The following AGPAT3 variants were observed in gnomAD, a reference collection of about 807,000 sequenced individuals.
AGPAT3 encodes 1-acylglycerol-3-phosphate O-acyltransferase 3.
In AGPAT3, 5 loss-of-function variants were observed where a neutral mutation model predicts 47.3. That is an observed-to-expected ratio of 0.11 (90% CI 0.06 to 0.22). The LOEUF (loss-of-function observed/expected upper bound fraction) is 0.22, where lower values mean the gene tolerates loss of function less well. Ranked by LOEUF, AGPAT3 falls within the 10% of genes least tolerant of loss-of-function variation. The probability of loss-of-function intolerance (pLI) is 1.00; values close to 1 mark genes in which losing one functional copy is unlikely to be tolerated. For synonymous variants in AGPAT3, 212 were observed against 208.3 expected (o/e 1.02, Z -0.15); for missense variants, 315 against 493.0 (o/e 0.64, Z 3.42).
Position 43,954,376 on chromosome 21 carries a change from A to G in AGPAT3, c.-48-5258A>G, listed in dbSNP as rs2088342648. On this transcript the variant is annotated intron_variant, in intron 2 of 9. Coordinates refer to ENST00000291572, the MANE Select transcript of AGPAT3 (RefSeq NM_020132.5). This position sits in a 1 kb window ranked among gnomAD's most constrained non-coding sequence, Gnocchi z 4.0. ...AGTGAAACTACACTGCTGGCTGGAC[A>G]GAGACATGGCAATGACCCAGGGAAA... is the stretch of plus-strand genomic sequence containing the variant. Among the ~76,000 whole-genome samples, 1 of 151,916 alleles carries G rather than the reference A, an allele frequency of 6.6e-6. No individual in the cohort carries two copies. Among genetic ancestry groups the G allele is most frequent in the Non-Finnish European group, 1.5e-5 (1 of 67,972 alleles).
chr21:43,912,269 G>A (rs574495461), intron 2 of AGPAT3, among the ~76,000 whole-genome samples: 17 of 152,350 alleles, frequency 1.1e-4, no homozygotes, highest in Admixed American at 3.9e-4. Context: ...ATCCTGGCAC[G>A]CGAGCAAAGG....
At position 43,978,038 on chromosome 21, in the gene AGPAT3, T is replaced by C. The variant is rs1236474550; in HGVS notation, c.768-8T>C. 4.3e-6 allele frequency: 7 copies of C among 1,611,116 alleles called. No individual in the cohort carries two copies. Among genetic ancestry groups the C allele is most frequent in the Non-Finnish European group, 5.9e-6 (7 of 1,178,338 alleles). ...TTCACCCTACCTTGAATCTTCTTCATAAAACAGGAGATTTCCTCTGGAAGA... is the reference window on the plus strand; with the variant it reads ...TTCACCCTACCTTGAATCTTCTTCACAAAACAGGAGATTTCCTCTGGAAGA... On this transcript the variant is annotated splice_polypyrimidine_tract_variant and splice_region_variant and intron_variant, in intron 7 of 9. Transcript: ENST00000291572.
chr21:43,973,722 GC>G (rs1479265055), intron 7 of AGPAT3, among the ~76,000 whole-genome samples: 1 of 152,232 alleles, frequency 6.6e-6, no homozygotes, highest in African/African-American at 2.4e-5. Context: ...GCGCGCCCCT[GC>G]AGCCGAGCCA....
At chr21:43,882,622 C>G (rs1238927526) in intron 1 of AGPAT3, 1 of 152,294 alleles carries the variant, frequency 6.6e-6, no homozygotes, top group Non-Finnish European at 1.5e-5. Context: ...TCTGGTAAGA[C>G]CCATGAAGGC....
In AGPAT3 at chr21:43,945,718, A is replaced by G. The variant is rs1169544591; in HGVS notation, c.-48-13916A>G. ...ACCTACTCGGTTTATTCCATCTTGAATCAATGCATTTTTTCAAGTCCGTGC... is the reference window on the plus strand; with the variant it reads ...ACCTACTCGGTTTATTCCATCTTGAGTCAATGCATTTTTTCAAGTCCGTGC... On this transcript the variant is annotated intron_variant, in intron 2 of 9. Coordinates refer to ENST00000291572, the MANE Select transcript of AGPAT3 (RefSeq NM_020132.5). 2.0e-5 allele frequency among the ~76,000 whole-genome samples: 3 copies of G among 152,302 alleles called. No individual in the cohort carries two copies. In the East Asian group the frequency reaches 5.8e-4, roughly 29 times the overall value.
intron 2 of AGPAT3, among the ~76,000 whole-genome samples, chr21:43,940,592 C>A (rs541752696): frequency 6.6e-6 from 1 of 152,332 alleles, no homozygotes; most frequent in South Asian, 2.1e-4. Context: ...CGGTTTCATA[C>A]CATCTGGGCG....
chr21:43,983,025 G>A lies in AGPAT3; in HGVS notation c.*633G>A, dbSNP rs1034533981. ...CGAACGCCCCACCTCACTTTCTAGA[G>A]CCCTGTCTGTCCTAGCTCCTATCTG... is the stretch of plus-strand genomic sequence containing the variant. On this transcript the variant is annotated 3_prime_UTR_variant, in exon 10 of 10. Coordinates refer to ENST00000291572, the MANE Select transcript of AGPAT3 (RefSeq NM_020132.5). The A allele has an allele frequency of 2.0e-5, 3 of 152,520 alleles. No homozygotes were observed. Among genetic ancestry groups the A allele is most frequent in the Admixed American group, 2.0e-4 (3 of 15,298 alleles). The allele number at this position is 152,520 out of a possible 1,614,324, so 9.4% of individuals were successfully genotyped here. A position where few individuals can be genotyped will look rare whatever the true frequency, so the allele number is the denominator to read the frequency against.
At chr21:43,940,717 GCACC>G (rs779031963) in intron 2 of AGPAT3, among the ~76,000 whole-genome samples, 22 of 152,220 alleles carry the variant, frequency 1.4e-4, no homozygotes, top group Non-Finnish European at 2.6e-4. Flanking sequence ...ATGGTGATCT[GCACC>G]CTGAGCAGAA....
chr21:43,911,702 C>G (rs374883997), intron 2 of AGPAT3, among the ~76,000 whole-genome samples: 4 of 152,238 alleles, frequency 2.6e-5, no homozygotes, highest in Admixed American at 2.0e-4. Context: ...GGGGTTCCTC[C>G]CATTGGAACA....
chr21:43,955,142 G>A lies in AGPAT3; in HGVS notation c.-48-4492G>A, dbSNP rs946229596. The A allele has an allele frequency of 2.4e-4, 310 of 1,277,736 alleles. No homozygotes were observed. The highest frequency in any genetic ancestry group is 3.0e-4 in the Non-Finnish European group (294 of 981,494). The allele number at this position is 1,277,736 out of a possible 1,614,324, so 79.1% of individuals were successfully genotyped here. ...CCGTGGGGGTCACTCAGCAGCCACG[G>A]ATGCGCCCTGGGTGCTGTCCCGGGG... On this transcript the variant is annotated intron_variant, in intron 2 of 9. Transcript: ENST00000291572. This position sits in a 1 kb window ranked among gnomAD's most constrained non-coding sequence, Gnocchi z 4.1.
At position 43,985,472 on chromosome 21, in the gene AGPAT3, G is replaced by A. The variant is rs918926296; in HGVS notation, c.*3080G>A. 1.3e-5 allele frequency: 4 copies of A among 318,446 alleles called. No homozygotes were observed. Among genetic ancestry groups the A allele is most frequent in the Non-Finnish European group, 2.4e-5 (4 of 163,516 alleles). The allele number at this position is 318,446 out of a possible 1,614,324, so 19.7% of individuals were successfully genotyped here. A position where few individuals can be genotyped will look rare whatever the true frequency, so the allele number is the denominator to read the frequency against. On this transcript the variant is annotated 3_prime_UTR_variant, in exon 10 of 10. Transcript: ENST00000291572. The stretch of plus-strand genomic sequence containing the variant: ...CTTGCCTGTCCCGACTCCCTTTCGC[G>A]CACCGTGGCATGAGAATCTTTCCTC...
At chr21:43,868,428 G>C (rs780281240) in intron 1 of AGPAT3, among the ~76,000 whole-genome samples, 30 of 152,224 alleles carry the variant, frequency 2.0e-4, no homozygotes, top group Non-Finnish European at 4.0e-4. Context: ...GGAGCTGGGT[G>C]CTCTTGGTGG....
At chr21:43,962,712 T>C (rs2088934476) in intron 3 of AGPAT3, among the ~76,000 whole-genome samples, 2 of 152,186 alleles carry the variant, frequency 1.3e-5, no homozygotes, top group African/African-American at 2.4e-5. Context: ...ACCAGGACTC[T>C]TGAGCGAGGG....
chr21:43,964,741 G>A (rs181223551), intron 3 of AGPAT3, among the ~76,000 whole-genome samples: 62 of 152,172 alleles, frequency 4.1e-4, no homozygotes, highest in Non-Finnish European at 7.1e-4. Context: ...AGAAATAATC[G>A]GCCTCTCCAT....
intron 2 of AGPAT3, among the ~76,000 whole-genome samples, chr21:43,904,781 C>T (rs2086449096): frequency 6.6e-6 from 1 of 152,188 alleles, no homozygotes; most frequent in Non-Finnish European, 1.5e-5. Flanking sequence ...TTCTGGGTGG[C>T]CCTGGACCCT....
chr21:43,941,961 T>C (rs1480109365), intron 2 of AGPAT3, among the ~76,000 whole-genome samples: 1 of 152,264 alleles, frequency 6.6e-6, no homozygotes, highest in African/African-American at 2.4e-5. Flanking sequence ...GCCAAGCCTC[T>C]CAGCTTCAGC....
At chr21:43,906,558 G>C (rs1032859918) in intron 2 of AGPAT3, among the ~76,000 whole-genome samples, 1 of 152,172 alleles carries the variant, frequency 6.6e-6, no homozygotes, top group Non-Finnish European at 1.5e-5. Context: ...GAGTTGATGA[G>C]GAGGTGGGAT....
chr21:43,962,120 C>T (rs570306227), intron 3 of AGPAT3, among the ~76,000 whole-genome samples: 1 of 151,972 alleles, frequency 6.6e-6, no homozygotes, highest in East Asian at 1.9e-4. Context: ...CCTGCCTCAG[C>T]CTCCCGAGTA....
At chr21:43,889,585 T>C (rs1334465197) in intron 1 of AGPAT3, among the ~76,000 whole-genome samples, 2 of 152,204 alleles carry the variant, frequency 1.3e-5, no homozygotes, top group East Asian at 3.8e-4. Context: ...AAAATAAATA[T>C]CACGATAAAG....
Sources: allele counts gnomAD v4.1 joint callset (sites outside exome capture counted in the v4.1 genomes callset), GRCh38; gene constraint gnomAD v4.1.1; non-coding constraint Gnocchi (gnomAD v3.1); transcripts MANE v1.5; gene names NCBI Gene and HGNC (gene_info 2026-07-23, HGNC 2026-07-21).